The following MTFR1 variants were observed in gnomAD, a reference collection of about 807,000 sequenced individuals.
MTFR1 encodes the protein chondrocyte protein with a poly-proline region.
MTFR1 carries 28 observed loss-of-function variants against 38.8 expected under a neutral mutation model. That is an observed-to-expected ratio of 0.72 (90% CI 0.53 to 0.99). The LOEUF is 0.99. Among genes scored for constraint, MTFR1 ranks in the 50% least tolerant of loss-of-function variants. The pLI is 0.00. For synonymous variants in MTFR1, 145 were observed against 137.0 expected (o/e 1.06, Z -0.41); for missense variants, 358 against 395.5 (o/e 0.91, Z 0.81).
intron 7 of MTFR1, 50 bp from the exon 8 acceptor site, chr8:65,708,926 T>C: frequency 6.3e-7 from 1 of 1,579,138 alleles, no homozygotes; most frequent in Non-Finnish European, 8.7e-7. Flanking sequence ...GGCGTATCGT[T>C]ACTGTTACTT....
intron 3 of MTFR1, among the ~76,000 whole-genome samples, chr8:65,730,168 C>CTTTTTTTTTTTTT (rs1563473710): frequency 3.2e-5 from 1 of 31,670 alleles, no homozygotes; most frequent in Non-Finnish European, 5.8e-5. Context: ...AGGTTGCGCA[C>CTTTTTTTTTTTTT]TTCTTTTTTT....
intron 3 of MTFR1, chr8:65,682,742 CTTTATA>C (rs1365229368): frequency 2.6e-5 from 26 of 984,490 alleles, no homozygotes; most frequent in Middle Eastern, 5.2e-4. Context: ...CAAACATAGG[CTTTATA>C]TTATTCCAGG....
At chr8:65,674,107 A>G (rs1314114524) in intron 2 of MTFR1, among the ~76,000 whole-genome samples, 1 of 151,996 alleles carries the variant, frequency 6.6e-6, no homozygotes, top group Non-Finnish European at 1.5e-5. Context: ...CTAATTTTGT[A>G]TCTTTAGTAG....
intron 6 of MTFR1, 40 bp from the exon 7 acceptor site, chr8:65,707,803 G>A (rs1417213721): frequency 3.7e-6 from 6 of 1,601,446 alleles, no homozygotes; most frequent in South Asian, 1.1e-5. Flanking sequence ...GGTGGCCAGT[G>A]TATTGATCTG....
chr8:65,664,414 G>A (rs768804188), intron 1 of MTFR1, among the ~76,000 whole-genome samples: 6 of 152,052 alleles, frequency 3.9e-5, no homozygotes, highest in Non-Finnish European at 4.4e-5. Flanking sequence ...ACTAATATAT[G>A]GTTGCAAATG....
Position 65,677,226 on chromosome 8 carries a change from C to T in MTFR1, c.67-5127C>T, listed in dbSNP as rs569779725. On this transcript the variant is annotated intron_variant, in intron 2 of 7. Coordinates refer to ENST00000262146, the MANE Select transcript of MTFR1 (RefSeq NM_014637.4). ...CTGGGACTACAGGCGTGTGCCACCA[C>T]GCCTGGCTAAGTTTTTATATTTTAG... Among the ~76,000 whole-genome samples, 7 of 151,512 alleles carry T rather than the reference C, an allele frequency of 4.6e-5. No homozygotes were observed. In the South Asian group the frequency reaches 1.0e-3, roughly 23 times the overall value.
chr8:65,727,194 G>C (rs1409060169), intron 3 of MTFR1: 2 of 1,608,286 alleles, frequency 1.2e-6, no homozygotes, highest in Non-Finnish European at 1.7e-6. Context: ...CCAAGTAATG[G>C]TTAGTTTTAA....
At chr8:65,747,318 C>T (rs1354737040) in intron 3 of MTFR1, among the ~76,000 whole-genome samples, 1 of 152,150 alleles carries the variant, frequency 6.6e-6, no homozygotes, top group Non-Finnish European at 1.5e-5. Flanking sequence ...TGATGGAATA[C>T]GGACATGATT....
intron 1 of MTFR1, among the ~76,000 whole-genome samples, chr8:65,655,856 T>A (rs1470016935): frequency 1.4e-5 from 2 of 147,722 alleles, no homozygotes; most frequent in Admixed American, 1.4e-4. Flanking sequence ...AGCTGAGGCA[T>A]GAGAATCACT....
chr8:65,694,098 A>T, intron 4 of MTFR1, among the ~76,000 whole-genome samples: 1 of 131,870 alleles, frequency 7.6e-6, no homozygotes, highest in African/African-American at 2.8e-5. Context: ...TTTTTTAGAT[A>T]GAGTCTTGTT....
chr8:65,775,010 C>T (rs1809217408), downstream of MTFR1, among the ~76,000 whole-genome samples: 1 of 152,182 alleles, frequency 6.6e-6, no homozygotes, highest in Non-Finnish European at 1.5e-5. Flanking sequence ...TTTATGTTTT[C>T]TACATTCAGT....
intron 1 of MTFR1, among the ~76,000 whole-genome samples, chr8:65,647,792 A>T (rs1175795932): frequency 1.3e-5 from 1 of 79,280 alleles, no homozygotes; most frequent in Non-Finnish European, 2.4e-5. Flanking sequence ...AAATTACACA[A>T]TTTAGATAAG....
In MTFR1 at chr8:65,747,954, CTATTTTATTT is replaced by C. The variant is rs775977019; in HGVS notation, c.*49-22986_*49-22977del. On this transcript the variant is annotated intron_variant, in intron 3 of 3. Coordinates refer to the MTFR1 transcript ENST00000521247. ...CCATGAAAGAAGTGATACTTTATTTCTATTTTATTTTATTTTTTTAAGTGAGTTCTCACTC... is the reference window on the plus strand; with the variant it reads ...CCATGAAAGAAGTGATACTTTATTTCTATTTTTTTAAGTGAGTTCTCACTC... 1.3e-4 allele frequency: 62 copies of C among 480,284 alleles called. 1 individual carries two copies. Among genetic ancestry groups the C allele is most frequent in the Non-Finnish European group, 2.1e-4 (57 of 275,382 alleles). The allele number at this position is 480,284 out of a possible 1,614,324, so 29.8% of individuals were successfully genotyped here. A position where few individuals can be genotyped will look rare whatever the true frequency, so the allele number is the denominator to read the frequency against.
chr8:65,762,801 T>C (rs1452200885), intron 3 of MTFR1, among the ~76,000 whole-genome samples: 1 of 152,112 alleles, frequency 6.6e-6, no homozygotes, highest in Non-Finnish European at 1.5e-5. Flanking sequence ...ATTGGAAACA[T>C]TTAAAATATT....
chr8:65,678,826 A>G (rs1369734329), intron 2 of MTFR1, among the ~76,000 whole-genome samples: 1 of 152,122 alleles, frequency 6.6e-6, no homozygotes, highest in Non-Finnish European at 1.5e-5. Flanking sequence ...TGGAAGTTTC[A>G]GTGAGCCGAG....
chr8:65,657,718 A>G (rs189479862), intron 1 of MTFR1, among the ~76,000 whole-genome samples: 164 of 152,214 alleles, frequency 1.1e-3, no homozygotes, highest in Non-Finnish European at 2.0e-3. Flanking sequence ...AAAAAAAAAA[A>G]AAAGCACTAA....
intron 1 of MTFR1, among the ~76,000 whole-genome samples, chr8:65,646,275 C>T (rs955824275): frequency 1.4e-4 from 22 of 152,204 alleles, no homozygotes; most frequent in African/African-American, 4.8e-4. Context: ...CACAATTTAC[C>T]TGAAGTCACA....
chr8:65,758,092 G>A (rs746072384), intron 3 of MTFR1, among the ~76,000 whole-genome samples: 1 of 152,160 alleles, frequency 6.6e-6, no homozygotes, highest in Admixed American at 6.5e-5. Flanking sequence ...CAGATTGCTG[G>A]TTGTAATACT....
At chr8:65,698,987 CA>C (rs1292492465) in intron 4 of MTFR1, among the ~76,000 whole-genome samples, 1 of 152,216 alleles carries the variant, frequency 6.6e-6, no homozygotes, top group Admixed American at 6.5e-5. Flanking sequence ...CTTGGCCTCC[CA>C]AAGTGCTGGG....
Sources: gnomAD v4.1 joint callset for allele counts (sites outside exome capture counted in the v4.1 genomes callset) on GRCh38, gnomAD v4.1.1 for gene constraint, MANE v1.5 for transcripts, NCBI Gene and HGNC (gene_info 2026-07-23, HGNC 2026-07-21) for gene names.